The following ARHGAP42 variants were observed in gnomAD, a reference collection of about 807,000 sequenced individuals.
ARHGAP42 encodes the protein Rho GTPase activating protein 42.
Under a neutral mutation model 125.0 loss-of-function variants are expected in ARHGAP42, and 63 were observed. That is an observed-to-expected ratio of 0.50 (90% confidence interval 0.41 to 0.62). The LOEUF is 0.62. ARHGAP42 is among the 20% of genes least tolerant of loss of function. The probability of loss-of-function intolerance (pLI) is 0.00; values close to 1 mark genes in which losing one functional copy is unlikely to be tolerated. For missense variants in ARHGAP42, 766 were observed against 1,024.2 expected, an observed-to-expected ratio of 0.75 and a Z score of 3.44; for synonymous variants, 339 against 351.0, an observed-to-expected ratio of 0.97 and a Z score of 0.38.
At chr11:100,749,359 G>A (rs578024004) in intron 1 of ARHGAP42, among the ~76,000 whole-genome samples, 3 of 151,708 alleles carry the variant, frequency 2.0e-5, no homozygotes, top group South Asian at 4.2e-4. Context: ...TGTCCCAGAA[G>A]CCTCAACCCC....
Position 100,725,146 on chromosome 11 carries a change from G to C in ARHGAP42, c.154+37314G>C, listed in dbSNP as rs192595080. ...TATAATTCTATTTGCTCCCTTATGC[G>C]CCCATTTTATTGCTTTTAAATATTT... is the stretch of plus-strand genomic sequence containing the variant. On this transcript the variant is annotated intron_variant, in intron 1 of 23. Coordinates refer to ENST00000298815, the MANE Select transcript of ARHGAP42 (RefSeq NM_152432.4). Among the ~76,000 whole-genome samples, 4 of 149,900 alleles carry C rather than the reference G, an allele frequency of 2.7e-5. No homozygotes were observed. In the South Asian group the frequency reaches 8.5e-4, roughly 32 times the overall value.
At chr11:100,916,112 A>G (rs1699295214) in intron 5 of ARHGAP42, among the ~76,000 whole-genome samples, 1 of 152,216 alleles carries the variant, frequency 6.6e-6, no homozygotes, top group Admixed American at 6.5e-5. Flanking sequence ...TTGAAGGGTC[A>G]TCTTTTATTA....
chr11:100,807,603 A>G (rs917822460), intron 3 of ARHGAP42, among the ~76,000 whole-genome samples: 2 of 152,188 alleles, frequency 1.3e-5, no homozygotes, highest in African/African-American at 4.8e-5. Context: ...CACTTTACAT[A>G]TAGGACCCAG....
intron 4 of ARHGAP42, among the ~76,000 whole-genome samples, chr11:100,900,113 A>C (rs1866501146): frequency 6.6e-6 from 1 of 152,082 alleles, no homozygotes; most frequent in Non-Finnish European, 1.5e-5. Context: ...TGGTGACAAA[A>C]TCTCTTGGCA....
intron 3 of ARHGAP42, among the ~76,000 whole-genome samples, chr11:100,842,072 T>C (rs1417160671): frequency 1.3e-5 from 2 of 152,168 alleles, no homozygotes; most frequent in Admixed American, 1.3e-4. Context: ...GATTGAAGTA[T>C]TGCAAACTAA....
At chr11:100,767,763 C>T (rs906899157) in intron 1 of ARHGAP42, among the ~76,000 whole-genome samples, 5 of 152,000 alleles carry the variant, frequency 3.3e-5, no homozygotes, top group African/African-American at 1.2e-4. Context: ...TTTAGGGCTT[C>T]AAATCCAGCA....
At chr11:100,722,089 A>T (rs1039460047) in intron 1 of ARHGAP42, among the ~76,000 whole-genome samples, 5 of 152,170 alleles carry the variant, frequency 3.3e-5, no homozygotes, top group African/African-American at 1.2e-4. Context: ...CTGTTGCTGT[A>T]TATCCTTGCC....
intron 4 of ARHGAP42, among the ~76,000 whole-genome samples, chr11:100,901,194 C>T (rs1277565672): frequency 1.3e-5 from 2 of 152,172 alleles, no homozygotes; most frequent in Admixed American, 6.5e-5. Flanking sequence ...CACTCCAGAC[C>T]CTGTTTGCCT....
intron 5 of ARHGAP42, among the ~76,000 whole-genome samples, chr11:100,915,921 A>G (rs1324254444): frequency 6.6e-6 from 1 of 152,158 alleles, no homozygotes; most frequent in Non-Finnish European, 1.5e-5. Flanking sequence ...AACATATTTA[A>G]TTCTGTGACA....
intron 4 of ARHGAP42, among the ~76,000 whole-genome samples, chr11:100,898,042 C>T (rs597963): frequency 1 from 152,132 of 152,324 alleles, 75,970 homozygotes; most frequent in Middle Eastern, 1. Context: ...TGAGAGTTTT[C>T]AGTATGAAGG....
intron 3 of ARHGAP42, among the ~76,000 whole-genome samples, chr11:100,805,508 C>A (rs965044788): frequency 3.3e-5 from 5 of 152,080 alleles, no homozygotes; most frequent in African/African-American, 1.2e-4. Context: ...GTTCTTGGAC[C>A]TTGTGCAAGA....
intron 3 of ARHGAP42, among the ~76,000 whole-genome samples, chr11:100,808,374 T>G (rs1237674): frequency 1.4e-3 from 215 of 151,604 alleles, no homozygotes; most frequent in African/African-American, 4.5e-3. Context: ...AAACTTTTTT[T>G]GGGATAATTA....
intron 22 of ARHGAP42, chr11:100,986,031 A>G (rs1411981642): frequency 2.2e-6 from 1 of 456,608 alleles, no homozygotes; most frequent in Non-Finnish European, 4.4e-6. Flanking sequence ...CATGTAGAAA[A>G]TGAACCCAGA....
intron 1 of ARHGAP42, among the ~76,000 whole-genome samples, chr11:100,766,062 ATT>A (rs1431228682): frequency 1.3e-5 from 2 of 152,218 alleles, no homozygotes; most frequent in Admixed American, 1.3e-4. Flanking sequence ...TTAGTGTTTC[ATT>A]AGCATCATCT....
At chr11:100,699,502 ATATATTTTTTTTTTTTTTTTTTTTT>A (rs1203231106) in intron 1 of ARHGAP42, among the ~76,000 whole-genome samples, 496 of 40,962 alleles carry the variant, frequency 0.012, 10 homozygotes, top group African/African-American at 0.034. Flanking sequence ...ATATATATAT[ATATATTTTTTTTTTTTTTTTTTTTT>A]TTTTTTTTTT....
chr11:100,841,478 C>T (rs886746615), intron 3 of ARHGAP42, among the ~76,000 whole-genome samples: 1 of 152,022 alleles, frequency 6.6e-6, no homozygotes, highest in African/African-American at 2.4e-5. Context: ...GCATGTAGTA[C>T]AAAATGTGGA....
intron 1 of ARHGAP42, among the ~76,000 whole-genome samples, chr11:100,692,295 A>G (rs1207256681): frequency 6.6e-6 from 1 of 152,216 alleles, no homozygotes; most frequent in African/African-American, 2.4e-5. Context: ...ACAAGCATGG[A>G]ACTATAATTC....
At chr11:100,950,713 AT>A (rs1240876140) in intron 12 of ARHGAP42, among the ~76,000 whole-genome samples, 1 of 151,982 alleles carries the variant, frequency 6.6e-6, no homozygotes, top group Non-Finnish European at 1.5e-5. Flanking sequence ...TTACATAGTC[AT>A]TTTACTTGAT....
intron 20 of ARHGAP42, 99 bp from the exon 21 acceptor site, chr11:100,976,716 C>A (rs1320976453): frequency 4.2e-6 from 6 of 1,419,864 alleles, no homozygotes; most frequent in Non-Finnish European, 5.7e-6. Flanking sequence ...CCCATTTGGG[C>A]TCAGAGAAAA....
Sources: allele counts gnomAD v4.1 joint callset (sites outside exome capture counted in the v4.1 genomes callset), GRCh38; gene constraint gnomAD v4.1.1; transcripts MANE v1.5; gene names NCBI Gene and HGNC (gene_info 2026-07-23, HGNC 2026-07-21).